PXDN: variants seen among roughly 807,000 people sequenced by gnomAD.
The protein encoded by PXDN is peroxidasin homolog.
PXDN carries 77 observed loss-of-function variants against 140.3 expected under a neutral mutation model. The observed-to-expected ratio is 0.55, with a 90% CI of 0.46 to 0.66. The LOEUF is 0.66. PXDN is among the 30% of genes least tolerant of loss of function. The pLI is 0.00. For missense variants in PXDN, 1,838 were observed against 2,039.5 expected, an observed-to-expected ratio of 0.90 and a Z score of 1.90; for synonymous variants, 911 against 857.4, an observed-to-expected ratio of 1.06 and a Z score of -1.09.
chr2:1,636,129 G>C, intron 21 of PXDN: 1 of 175,058 alleles, frequency 5.7e-6, no homozygotes, highest in Admixed American at 5.5e-5. Flanking sequence ...GCTGCAGCAG[G>C]GACCCTGCAC....
chr2:1,638,674 C>T (rs1186623137), intron 21 of PXDN, among the ~76,000 whole-genome samples, 172 bp downstream of exon 21: 2 of 152,170 alleles, frequency 1.3e-5, no homozygotes, highest in Non-Finnish European at 1.5e-5. Flanking sequence ...TGGCACATGG[C>T]CCGGCCTGAC....
At chr2:1,696,206 CTGTT>C (rs1684298175) in intron 1 of PXDN, among the ~76,000 whole-genome samples, 1 of 152,196 alleles carries the variant, frequency 6.6e-6, no homozygotes, top group Non-Finnish European at 1.5e-5. Context: ...TTAAAATTAA[CTGTT>C]TATTTCTAGT....
chr2:1,684,182 C>T (rs778119166), intron 4 of PXDN, 31 bp from the exon 5 acceptor site: 1 of 1,526,734 alleles, frequency 6.5e-7, no homozygotes, highest in Non-Finnish European at 8.9e-7. Flanking sequence ...AAAAGTATAA[C>T]TTACAATTTA....
chr2:1,732,103 A>T (rs779967077), intron 1 of PXDN, among the ~76,000 whole-genome samples: 9 of 152,158 alleles, frequency 5.9e-5, no homozygotes, highest in Non-Finnish European at 1.2e-4. Flanking sequence ...AACTGACAAA[A>T]TATATGAAGC....
chr2:1,694,903 T>C (rs1684266155), intron 1 of PXDN, among the ~76,000 whole-genome samples: 1 of 152,190 alleles, frequency 6.6e-6, no homozygotes, highest in African/African-American at 2.4e-5. Flanking sequence ...GAAGCTCCCG[T>C]ACCTGAGACA....
At position 1,684,155 on chromosome 2, in the gene PXDN, G is replaced by A. The variant is rs1463354848; in HGVS notation, c.417-4C>T. On this transcript the variant is annotated splice_polypyrimidine_tract_variant and splice_region_variant and intron_variant, in intron 4 of 22. Transcript: ENST00000252804. Reference sequence around the variant, plus strand: ...TATCTGATTAAAGTGCAGGTATCTAGAGGAGTTAAAAGAAAAAAAAGTATA... The same window carrying A: ...TATCTGATTAAAGTGCAGGTATCTAAAGGAGTTAAAAGAAAAAAAAGTATA... The A allele has an allele frequency of 2.5e-6, 4 of 1,569,434 alleles. No homozygotes were observed. The South Asian group carries it at 4.7e-5, about 19-fold the overall frequency.
In PXDN at chr2:1,673,730, C is replaced by G; in HGVS notation, c.931G>C (p.Asp311His). 1 of 1,614,048 alleles carries G rather than the reference C, an allele frequency of 6.2e-7. No homozygotes were observed. The highest frequency in any genetic ancestry group is 8.5e-7 in the Non-Finnish European group (1 of 1,179,892). ...TLMIQNTQET[D>H]QGIYQCMAKN... The stretch of plus-strand genomic sequence containing the variant: ...GCCATGCACTGGTAGATACCCTGGT[C>G]TGTCTCCTGTGTGTTCTGGATCATC... The change falls in exon 9 of 23, where the codon GAC becomes CAC. Residue 311 changes from aspartate to histidine, a missense_variant. Coordinates refer to ENST00000252804, the MANE Select transcript of PXDN (RefSeq NM_012293.3).
At chr2:1,732,857 T>A (rs549948840) in intron 1 of PXDN, among the ~76,000 whole-genome samples, 5 of 152,348 alleles carry the variant, frequency 3.3e-5, no homozygotes, top group Admixed American at 6.5e-5. Context: ...TTATTAAAAT[T>A]GTATTTATTC....
At chr2:1,680,986 G>T (rs1481206397) in intron 6 of PXDN, among the ~76,000 whole-genome samples, 4 of 152,212 alleles carry the variant, frequency 2.6e-5, no homozygotes, top group Non-Finnish European at 5.9e-5. Flanking sequence ...CCTGCACCCT[G>T]GGAAAAGTGT....
chr2:1,735,196 C>A (rs1258615484), intron 1 of PXDN, among the ~76,000 whole-genome samples: 2 of 152,144 alleles, frequency 1.3e-5, no homozygotes, highest in Admixed American at 6.5e-5. Flanking sequence ...GTCTCTGAAC[C>A]CCTCAAAGCC....
At chr2:1,705,119 GCAGAGGGC>G (rs1684560968) in intron 1 of PXDN, among the ~76,000 whole-genome samples, 1 of 33,368 alleles carries the variant, frequency 3.0e-5, no homozygotes, top group African/African-American at 2.5e-4. Context: ...AGCCGTGAGA[GCAGAGGGC>G]ACGTCTGCAC....
intron 1 of PXDN, among the ~76,000 whole-genome samples, chr2:1,706,555 C>G (rs1400168399): frequency 6.8e-6 from 1 of 147,602 alleles, no homozygotes; most frequent in Non-Finnish European, 1.5e-5. Context: ...ACATCACCTG[C>G]CCCACTAATA....
Position 1,644,740 on chromosome 2 carries a change from C to A in PXDN, c.3621G>T (p.Ser1207=), listed in dbSNP as rs61731247. The A allele has an allele frequency of 1.6e-3, 2,421 of 1,551,830 alleles. 36 individuals carry two copies. In the African/African-American group the frequency reaches 0.03, roughly 19 times the overall value. Residue 1207 remains serine (S), a synonymous_variant, in exon 18 of 23, where the codon TCG becomes TCT. Transcript: ENST00000252804. ...IREKLKRLYG[S]TLNIDLFPAL... is the part of the protein sequence containing the mutation. ...CCGGAAACAGGTCGATGTTGAGTGT[C>A]GAGCCATACAACCTAAAAAATAAAG...
Position 1,714,687 on chromosome 2 carries a change from T to C in PXDN, c.201-21553A>G, listed in dbSNP as rs1684856526. Among the ~76,000 whole-genome samples, 1 of 152,216 alleles carries C rather than the reference T, an allele frequency of 6.6e-6. No individual in the cohort carries two copies. Among genetic ancestry groups the C allele is most frequent in the African/African-American group, 2.4e-5 (1 of 41,466 alleles). On this transcript the variant is annotated intron_variant, in intron 1 of 22. Coordinates refer to ENST00000252804, the MANE Select transcript of PXDN (RefSeq NM_012293.3). This position sits in a 1 kb window ranked among gnomAD's most constrained non-coding sequence, Gnocchi z 4.3. The stretch of plus-strand genomic sequence containing the variant: ...GTGGCCAAGCTCCGATAAGCTTTTA[T>C]TTATGGTGCTGAAATTCCAATTTCA...
intron 4 of PXDN, among the ~76,000 whole-genome samples, chr2:1,686,016 G>A (rs1378723735): frequency 6.6e-6 from 1 of 152,126 alleles, no homozygotes; most frequent in Non-Finnish European, 1.5e-5. Flanking sequence ...CGGGCTCCCG[G>A]GCATTCCTGC....
intron 1 of PXDN, among the ~76,000 whole-genome samples, chr2:1,700,523 T>C (rs1450319890): frequency 6.6e-6 from 1 of 152,196 alleles, no homozygotes; most frequent in Non-Finnish European, 1.5e-5. Flanking sequence ...AACTCGAATG[T>C]GCCTTCCTGA....
chr2:1,655,404 TCAC>T (rs1683108733), intron 14 of PXDN, among the ~76,000 whole-genome samples: 1 of 147,698 alleles, frequency 6.8e-6, no homozygotes, highest in African/African-American at 2.5e-5. Context: ...ACCACACACA[TCAC>T]ATTATACACA....
chr2:1,662,187 G>A lies in PXDN; in HGVS notation c.1568-3C>T. 6.3e-7 allele frequency: 1 copy of A among 1,578,862 alleles called. No homozygotes were observed. Among genetic ancestry groups the A allele is most frequent in the African/African-American group, 1.3e-5 (1 of 74,470 alleles). On this transcript the variant is annotated splice_polypyrimidine_tract_variant and splice_region_variant and intron_variant, in intron 12 of 22. Transcript: ENST00000252804. Reference sequence around the variant, plus strand: ...AATGCTGGCAAACACTGGGGTGACTGGAAGGCAGATGTAGAGAATCCAGGA... The same window carrying A: ...AATGCTGGCAAACACTGGGGTGACTAGAAGGCAGATGTAGAGAATCCAGGA...
intron 2 of PXDN, 93 bp downstream of exon 2, chr2:1,692,970 C>A: frequency 8.1e-7 from 1 of 1,234,134 alleles, no homozygotes; most frequent in South Asian, 1.3e-5. Context: ...CCCACCCAAG[C>A]CCACTGATTG....
Sources: gnomAD v4.1 joint callset for allele counts (sites outside exome capture counted in the v4.1 genomes callset) on GRCh38, gnomAD v4.1.1 for gene constraint, Gnocchi (gnomAD v3.1) non-coding constraint, MANE v1.5 for transcripts, NCBI Gene and HGNC (gene_info 2026-07-23, HGNC 2026-07-21) for gene names.